MANBA: variants seen among roughly 807,000 people sequenced by gnomAD.
MANBA encodes the protein mannosidase beta.
In MANBA, 83 loss-of-function variants were observed where a neutral mutation model predicts 111.1. That is an observed-to-expected ratio of 0.75 (90% confidence interval 0.63 to 0.90). MANBA has a LOEUF of 0.90. Ranked by LOEUF, MANBA falls within the 40% of genes least tolerant of loss-of-function variation. MANBA has a pLI of 0.00. For missense variants in MANBA, 1,036 were observed against 1,069.0 expected, an observed-to-expected ratio of 0.97 and a Z score of 0.43; for synonymous variants, 370 against 378.7, an observed-to-expected ratio of 0.98 and a Z score of 0.27.
At chr4:102,727,701 T>C (rs1186873530) in intron 1 of MANBA, 14 of 1,159,376 alleles carry the variant, frequency 1.2e-5, no homozygotes, top group Admixed American at 1.7e-5. Context: ...AGGAGGATGG[T>C]TGTAGGTTGT....
chr4:102,677,985 AG>A (rs1731798423), intron 7 of MANBA, among the ~76,000 whole-genome samples: 1 of 152,208 alleles, frequency 6.6e-6, no homozygotes, highest in African/African-American at 2.4e-5. Context: ...TATAAACAAA[AG>A]CATGTTGGGG....
At chr4:102,695,269 C>CA (rs57790115) in intron 5 of MANBA, among the ~76,000 whole-genome samples, 1,584 of 139,534 alleles carry the variant, frequency 0.011, 32 homozygotes, top group African/African-American at 0.035. Flanking sequence ...GACAAAAAGC[C>CA]AAAAAAAAAG....
At chr4:102,734,576 G>C in intron 1 of MANBA, 1 of 1,607,588 alleles carries the variant, frequency 6.2e-7, no homozygotes, top group South Asian at 1.1e-5. Flanking sequence ...TTCCTTCTGT[G>C]AACAAGAGGC....
At chr4:102,717,660 C>G (rs1722395920) in intron 4 of MANBA, among the ~76,000 whole-genome samples, 1 of 152,124 alleles carries the variant, frequency 6.6e-6, no homozygotes, top group African/African-American at 2.4e-5. Flanking sequence ...TGCCAAAGTG[C>G]TGGGATTACA....
chr4:102,689,808 C>G, intron 6 of MANBA, 124 bp from the exon 7 acceptor site: 1 of 679,498 alleles, frequency 1.5e-6, no homozygotes, highest in Admixed American at 2.2e-5. Context: ...ATGTAAGTCT[C>G]CCCACCTATA....
Position 102,634,832 on chromosome 4 carries a change from A to G in MANBA, c.2371T>C (p.Ser791Pro), listed in dbSNP as rs1160871629. The change falls in exon 16 of 17, where the codon TCC becomes CCC. Residue 791 changes from serine (S) to proline (P), a missense_variant. Ser to Pro is a moderately conservative substitution (Grantham distance 74). Coordinates refer to ENST00000647097, the MANE Select transcript of MANBA (RefSeq NM_005908.4). ...AGCCCCACGGCCTCCTTCGGTGAGG[A>G]CAAGAAGTGGTAGTTGGTCGGGCTC... ...LLSPTNYHFLSSPKEAVGLCK... is the reference protein window; with the variant it reads ...LLSPTNYHFLPSPKEAVGLCK... The G allele has an allele frequency of 6.2e-7, 1 of 1,614,182 alleles. No individual in the cohort carries two copies. Among genetic ancestry groups the G allele is most frequent in the Admixed American group, 1.7e-5 (1 of 60,030 alleles).
chr4:102,666,497 A>C (rs1315279379), intron 10 of MANBA: 1 of 152,272 alleles, frequency 6.6e-6, no homozygotes, highest in Non-Finnish European at 1.5e-5. Flanking sequence ...TGTGTGTCTC[A>C]AAAGGCAAAA....
At chr4:102,721,092 G>A (rs1456594294) in intron 4 of MANBA, among the ~76,000 whole-genome samples, 1 of 152,154 alleles carries the variant, frequency 6.6e-6, no homozygotes. Context: ...GGGAGGCCGA[G>A]GCGGGTGGAT....
Position 102,677,129 on chromosome 4 carries a change from C to T in MANBA, c.961-3059G>A, listed in dbSNP as rs79499218. 5.2e-3 allele frequency among the ~76,000 whole-genome samples: 796 copies of T among 151,918 alleles called. 12 individuals carry two copies. The highest frequency in any genetic ancestry group is 0.018 in the African/African-American group (749 of 41,220). On this transcript the variant is annotated intron_variant, in intron 7 of 16. Transcript: ENST00000647097. ...ATGTAAGCTGAATTGGCCTTGTTCA[C>T]GACACTCCATTTTTACTTGATAGAA... is the stretch of plus-strand genomic sequence containing the variant.
intron 1 of MANBA, chr4:102,729,654 TCCA>T: frequency 6.9e-7 from 1 of 1,449,964 alleles, no homozygotes; most frequent in Non-Finnish European, 9.7e-7. Flanking sequence ...CTTGAAGTCC[TCCA>T]CCAGCCCGGG....
intron 1 of MANBA, among the ~76,000 whole-genome samples, chr4:102,741,627 ATAAAG>A (rs1723407754): frequency 6.6e-6 from 1 of 152,196 alleles, no homozygotes; most frequent in South Asian, 2.1e-4. Flanking sequence ...AAGGAACAAA[ATAAAG>A]TAGAGTTGGA....
At chr4:102,728,316 T>G in intron 1 of MANBA, 1 of 534,930 alleles carries the variant, frequency 1.9e-6, no homozygotes, top group Non-Finnish European at 3.8e-6. Flanking sequence ...CTTTTCTGGA[T>G]GCTCCTTGGG....
At chr4:102,683,318 T>C (rs1261815848) in intron 7 of MANBA, among the ~76,000 whole-genome samples, 2 of 152,210 alleles carry the variant, frequency 1.3e-5, no homozygotes, top group African/African-American at 2.4e-5. Flanking sequence ...ATTACATCTA[T>C]TTTCCTACAA....
chr4:102,714,424 A>C lies in MANBA; in HGVS notation c.673+14T>G. 5 of 1,601,474 alleles carry C rather than the reference A, an allele frequency of 3.1e-6. No homozygotes were observed. The Middle Eastern group carries it at 5.0e-4, about 160-fold the overall frequency. On this transcript the variant is annotated intron_variant, in intron 5 of 16. Transcript: ENST00000647097. ...AGACTCAAAAAGAAAAAAAAATCAC[A>C]TCTTTCAGCTTACCATATATTGGGG...
At chr4:102,637,721 G>C (rs1406102556) in intron 14 of MANBA, among the ~76,000 whole-genome samples, 1 of 152,194 alleles carries the variant, frequency 6.6e-6, no homozygotes, top group Non-Finnish European at 1.5e-5. Context: ...GACCCTTCCA[G>C]ACTTCACCCC....
chr4:102,712,522 C>T (rs537068037), intron 5 of MANBA, among the ~76,000 whole-genome samples: 1 of 128,848 alleles, frequency 7.8e-6, no homozygotes, highest in Non-Finnish European at 1.6e-5. Flanking sequence ...TAAATCGGAC[C>T]ACTTTTTTTT....
At chr4:102,724,296 G>A (rs1427612505) in intron 2 of MANBA, among the ~76,000 whole-genome samples, 2 of 152,154 alleles carry the variant, frequency 1.3e-5, no homozygotes, top group Admixed American at 6.5e-5. Flanking sequence ...AGTGGCTCAC[G>A]CCTGTAATCC....
chr4:102,658,010 T>C (rs1730651802), intron 11 of MANBA, 110 bp from the exon 12 acceptor site: 1 of 800,018 alleles, frequency 1.2e-6, no homozygotes, highest in South Asian at 1.5e-5. Flanking sequence ...AAGTAGCTGA[T>C]AGAAAATTAG....
intron 7 of MANBA, among the ~76,000 whole-genome samples, chr4:102,674,792 C>A (rs1243559842): frequency 6.6e-6 from 1 of 152,138 alleles, no homozygotes; most frequent in Admixed American, 6.5e-5. Context: ...TTATCAAAAT[C>A]TTTATTCTTG....
Sources: allele counts gnomAD v4.1 joint callset (sites outside exome capture counted in the v4.1 genomes callset), GRCh38; gene constraint gnomAD v4.1.1; transcripts MANE v1.5; gene names NCBI Gene and HGNC (gene_info 2026-07-23, HGNC 2026-07-21).